The following EXD1 variants were observed in gnomAD, a reference collection of about 807,000 sequenced individuals.
The protein encoded by EXD1 is exonuclease 3'-5' domain containing 1, also known as piRNA biogenesis protein EXD1.
A neutral mutation model predicts 49.1 loss-of-function variants in EXD1; 63 were observed. That is an observed-to-expected ratio of 1.28 (90% CI 1.05 to 1.58). EXD1 has a LOEUF of 1.58. Among genes scored for constraint, EXD1 ranks in the 40% most tolerant of loss-of-function variants. EXD1 has a pLI of 0.00. For missense variants in EXD1, 748 were observed against 666.0 expected (o/e 1.12, Z -1.36); for synonymous variants, 234 against 239.2 (o/e 0.98, Z 0.20).
chr15:41,186,945 C>T lies in EXD1; in HGVS notation c.1057-2352G>A, dbSNP rs1271241875. Among the ~76,000 whole-genome samples the T allele has an allele frequency of 2.0e-5, 3 of 147,344 alleles. No homozygotes were observed. In the East Asian group the frequency reaches 6.0e-4, roughly 29 times the overall value. ...TCGAGCCCAGGCTGGAGTGCAATGGCGTGATCTCAGCTCACCGCAACCTCC... is the reference window on the plus strand; with the variant it reads ...TCGAGCCCAGGCTGGAGTGCAATGGTGTGATCTCAGCTCACCGCAACCTCC... On this transcript the variant is annotated intron_variant, in intron 11 of 11. Transcript: ENST00000458580.
chr15:41,207,388 A>G (rs1019251308), intron 7 of EXD1, among the ~76,000 whole-genome samples: 1 of 151,768 alleles, frequency 6.6e-6, no homozygotes, highest in South Asian at 2.1e-4. Flanking sequence ...CTAAAAATAC[A>G]TTAGCTGGGA....
At chr15:41,194,312 G>T (rs2140831436) in intron 9 of EXD1, among the ~76,000 whole-genome samples, 1 of 152,150 alleles carries the variant, frequency 6.6e-6, no homozygotes, top group African/African-American at 2.4e-5. Context: ...TGCCGGGCCT[G>T]AAAAGTGATT....
At chr15:41,226,878 C>T (rs2047171648) in intron 1 of EXD1, among the ~76,000 whole-genome samples, 1 of 152,124 alleles carries the variant, frequency 6.6e-6, no homozygotes, top group Admixed American at 6.6e-5. Context: ...TATCATCTTT[C>T]CTTCCTTAGC....
chr15:41,186,191 T>G (rs896429568), intron 11 of EXD1, among the ~76,000 whole-genome samples: 2 of 151,860 alleles, frequency 1.3e-5, no homozygotes, highest in Non-Finnish European at 1.5e-5. Context: ...ATTGCAATAG[T>G]CAGGAAAAAG....
intron 7 of EXD1, among the ~76,000 whole-genome samples, chr15:41,204,401 A>C (rs1267588155): frequency 6.6e-6 from 1 of 151,510 alleles, no homozygotes; most frequent in Non-Finnish European, 1.5e-5. Flanking sequence ...AAATGCAAAA[A>C]TTAGCCGGGC....
intron 3 of EXD1, among the ~76,000 whole-genome samples, chr15:41,218,297 C>T (rs1298397019): frequency 6.6e-6 from 1 of 152,026 alleles, no homozygotes; most frequent in East Asian, 1.9e-4. Flanking sequence ...CCAACCTAGA[C>T]AACATGGTGA....
intron 11 of EXD1, among the ~76,000 whole-genome samples, chr15:41,187,460 C>T (rs2046430345): frequency 1.3e-5 from 2 of 152,128 alleles, no homozygotes; most frequent in African/African-American, 4.8e-5. Flanking sequence ...TTTTGGTATC[C>T]ATGGGGGGAT....
rs1595466923 is a variant in EXD1, at chr15:41,230,709, C to G, written c.-284G>C. The G allele has an allele frequency of 6.3e-5, 45 of 711,018 alleles. No homozygotes were observed. The East Asian group carries it at 1.3e-3, about 20-fold the overall frequency. 44.0% of individuals were successfully genotyped at this position (711,018 alleles called of 1,614,324 possible). ...GGAGAAAGGTCCGCGACGCCGGGGA[C>G]ACACGCCGCAGAGGCGACGCCCGCC... On this transcript the variant is annotated 5_prime_UTR_variant, in exon 1 of 12. Transcript: ENST00000458580.
intron 1 of EXD1, 91 bp from the exon 2 acceptor site, chr15:41,226,719 A>G (rs748477433): frequency 2.3e-5 from 24 of 1,027,850 alleles, no homozygotes; most frequent in Non-Finnish European, 3.2e-5. Context: ...ATGGACAAGA[A>G]TAAAATCTGA....
chr15:41,222,987 G>A (rs1010148620), intron 2 of EXD1, among the ~76,000 whole-genome samples: 2 of 150,234 alleles, frequency 1.3e-5, no homozygotes, highest in East Asian at 1.9e-4. Context: ...GTCTTGTGCT[G>A]TTGCCCAGGC....
At position 41,199,734 on chromosome 15, in the gene EXD1, T is replaced by TATATCATATATGATGTATAATATATC. The variant is rs1566980656; in HGVS notation, c.535-3698_535-3697insGATATATTATACATCATATATGATAT. On this transcript the variant is annotated intron_variant, in intron 7 of 11. Transcript: ENST00000458580. ...TATATATGATATATTATATATGATA[T>TATATCATATATGATGTATAATATATC]ATATGTCATATATTATATATGATAC... Among the ~76,000 whole-genome samples the TATATCATATATGATGTATAATATATC allele has an allele frequency of 3.1e-5, 2 of 65,238 alleles. 1 individual carries two copies. The highest frequency in any genetic ancestry group is 6.1e-5 in the Non-Finnish European group (2 of 32,792). 42.8% of individuals were successfully genotyped at this position (65,238 alleles called of 152,430 possible). A position where few individuals can be genotyped will look rare whatever the true frequency, so the allele number is the denominator to read the frequency against.
In EXD1 at chr15:41,219,862, A is replaced by C. The variant is rs745666872; in HGVS notation, c.170T>G (p.Val57Gly). 3.8e-4 allele frequency: 579 copies of C among 1,535,380 alleles called. No individual in the cohort carries two copies. The highest frequency in any genetic ancestry group is 4.7e-4 in the Non-Finnish European group (538 of 1,146,732). Residue 57 changes from valine to glycine, a missense_variant, in exon 3 of 12, where the codon GTG (valine) becomes GGG (glycine). Val to Gly is a moderately radical substitution (Grantham distance 109). Coordinates refer to ENST00000458580, the MANE Select transcript of EXD1 (RefSeq NM_001286441.2). ...AATCTCATGCCCAAAAAACAACTTC[A>C]CTCCTGGGACACTTCGACCTGTCTC... ...NVETGRSVPG[V>G]KLFFGHEIVN...
chr15:41,209,149 T>C (rs2046881513), intron 7 of EXD1, among the ~76,000 whole-genome samples: 1 of 152,008 alleles, frequency 6.6e-6, no homozygotes, highest in African/African-American at 2.4e-5. Flanking sequence ...GTGAGCCAGG[T>C]GCAGTGGCCT....
At chr15:41,208,022 AAAAG>A (rs1281922039) in intron 7 of EXD1, among the ~76,000 whole-genome samples, 1 of 151,720 alleles carries the variant, frequency 6.6e-6, no homozygotes, top group Non-Finnish European at 1.5e-5. Flanking sequence ...AAAAAAAAAA[AAAAG>A]AAAGAGAGAA....
chr15:41,190,346 G>C (rs577420667), intron 10 of EXD1: 3 of 457,086 alleles, frequency 6.6e-6, no homozygotes, highest in Non-Finnish European at 1.2e-5. Flanking sequence ...GGTGGCACGC[G>C]CCTGTAGTCC....
chr15:41,199,730 G>GATATATTATATATCTC, intron 7 of EXD1, among the ~76,000 whole-genome samples: 1 of 33,524 alleles, frequency 3.0e-5, no homozygotes, highest in East Asian at 7.3e-4. Flanking sequence ...TATTATATAT[G>GATATATTATATATCTC]ATATATATGT....
chr15:41,204,290 C>G (rs1005659960), intron 7 of EXD1, among the ~76,000 whole-genome samples: 6 of 150,216 alleles, frequency 4.0e-5, no homozygotes, highest in African/African-American at 1.5e-4. Flanking sequence ...GTGGCCCACG[C>G]CTGTAATCCC....
chr15:41,226,196 G>A (rs2047162616), intron 2 of EXD1, among the ~76,000 whole-genome samples: 2 of 151,730 alleles, frequency 1.3e-5, no homozygotes, highest in Non-Finnish European at 2.9e-5. Flanking sequence ...AGCTTGCAGT[G>A]AGCCATGATC....
chr15:41,212,928 C>T (rs2046943059), intron 6 of EXD1, among the ~76,000 whole-genome samples: 3 of 151,986 alleles, frequency 2.0e-5, no homozygotes, highest in Admixed American at 1.3e-4. Context: ...GTAGTCCCAC[C>T]TACTTGGGAG....
Sources: gnomAD v4.1 joint callset for allele counts (sites outside exome capture counted in the v4.1 genomes callset) on GRCh38, gnomAD v4.1.1 for gene constraint, MANE v1.5 for transcripts, NCBI Gene and HGNC (gene_info 2026-07-23, HGNC 2026-07-21) for gene names.